SLC17A5: variants seen among roughly 807,000 people sequenced by gnomAD.
The protein encoded by SLC17A5 is sialin.
A neutral mutation model predicts 59.4 loss-of-function variants in SLC17A5; 47 were observed. The ratio of observed to expected loss-of-function variants is 0.79; its 90% CI spans 0.63 to 1.01. SLC17A5 has a LOEUF of 1.01. Among genes scored for constraint, SLC17A5 ranks in the 50% least tolerant of loss-of-function variants. The pLI, the probability that SLC17A5 is intolerant of heterozygous loss-of-function variation, is 0.00. For missense variants in SLC17A5, 522 were observed against 595.5 expected (o/e 0.88, Z 1.28); for synonymous variants, 202 against 210.7 (o/e 0.96, Z 0.36).
rs147885477 is a variant in SLC17A5 at position 73,595,237 on chromosome 6, C to T, written c.1351-23G>A. The T allele has an allele frequency of 4.2e-3, 6,719 of 1,613,246 alleles. 25 individuals carry two copies. The highest frequency in any genetic ancestry group is 4.7e-3 in the Non-Finnish European group (5,486 of 1,179,584). On this transcript the variant is annotated intron_variant, in intron 10 of 10. Coordinates refer to ENST00000355773, the MANE Select transcript of SLC17A5 (RefSeq NM_012434.5). ...GTTCTATAAAGGAAGACAAAAAATG[C>T]AAGTGAAATAAAATTTTGTGTGTAG...
At chr6:73,617,625 C>T (rs1213461123) in intron 7 of SLC17A5, among the ~76,000 whole-genome samples, 4 of 152,188 alleles carry the variant, frequency 2.6e-5, no homozygotes, top group Non-Finnish European at 5.9e-5. Context: ...AGGCAGATCA[C>T]CTGAGGTCAG....
intron 1 of SLC17A5, among the ~76,000 whole-genome samples, chr6:73,645,762 T>C (rs975855288): frequency 1.3e-4 from 16 of 125,756 alleles, no homozygotes; most frequent in African/African-American, 5.1e-4. Flanking sequence ...CACTCCAGCC[T>C]GGGCGACAGA....
At chr6:73,606,082 GC>G (rs1200183727) in intron 9 of SLC17A5, among the ~76,000 whole-genome samples, 1 of 152,000 alleles carries the variant, frequency 6.6e-6, no homozygotes, top group Admixed American at 6.6e-5. Flanking sequence ...TCACTCTGCA[GC>G]CCAGGCTGGA....
At chr6:73,630,079 G>A (rs1457011891) in intron 6 of SLC17A5, among the ~76,000 whole-genome samples, 3 of 151,026 alleles carry the variant, frequency 2.0e-5, no homozygotes, top group South Asian at 2.1e-4. Flanking sequence ...TGTAACCTCC[G>A]CCTCCCAGGT....
chr6:73,595,363 G>C (rs1766747513), intron 10 of SLC17A5, 149 bp from the exon 11 acceptor site: 1 of 801,122 alleles, frequency 1.2e-6, no homozygotes, highest in East Asian at 2.7e-5. Flanking sequence ...CCAGCAGTAG[G>C]ATAGTGGTAT....
In SLC17A5 at chr6:73,620,766, G is replaced by A. The variant is rs1329341314; in HGVS notation, c.978+1038C>T. Among the ~76,000 whole-genome samples the A allele has an allele frequency of 4.0e-5, 6 of 151,856 alleles. No individual in the cohort carries two copies. The South Asian group carries it at 1.0e-3, about 26-fold the overall frequency. On this transcript the variant is annotated intron_variant, in intron 7 of 10. Coordinates refer to ENST00000355773, the MANE Select transcript of SLC17A5 (RefSeq NM_012434.5). ...GGACAGAGTCTTGTTCTGCTGCCCA[G>A]GCTGGAGTGCAGGGGCATGACCTCA...
In SLC17A5 at chr6:73,600,535, G is replaced by T. The variant is rs138848217; in HGVS notation, c.1260-94C>A. 414 of 959,640 alleles carry T rather than the reference G, an allele frequency of 4.3e-4. 2 individuals are homozygous for T. In the African/African-American group the frequency reaches 6.0e-3, roughly 14 times the overall value. 59.4% of individuals were successfully genotyped at this position (959,640 alleles called of 1,614,324 possible). A position where few individuals can be genotyped will look rare whatever the true frequency, so the allele number is the denominator to read the frequency against. ...TTTTTTTTTTTTTTTTTGAGACAGAGTCTCACTCTGTGGCCCAGGCTTGAG... is the reference window on the plus strand; with the variant it reads ...TTTTTTTTTTTTTTTTTGAGACAGATTCTCACTCTGTGGCCCAGGCTTGAG... On this transcript the variant is annotated intron_variant, in intron 9 of 10. Coordinates refer to ENST00000355773, the MANE Select transcript of SLC17A5 (RefSeq NM_012434.5).
At position 73,631,111 on chromosome 6, in the gene SLC17A5, T is replaced by C. The variant is rs1487054220; in HGVS notation, c.819+4271A>G. Among the ~76,000 whole-genome samples, 8 of 150,396 alleles carry C rather than the reference T, an allele frequency of 5.3e-5. No individual in the cohort carries two copies. In the East Asian group the frequency reaches 1.6e-3, roughly 29 times the overall value. ...CTGCGGTAAGCTAAACTGTCCTGGT[T>C]CTAACATCTAGGCCTGGGGTTGTCC... On this transcript the variant is annotated intron_variant, in intron 6 of 10. Transcript: ENST00000355773.
At chr6:73,630,054 A>G (rs1453650957) in intron 6 of SLC17A5, among the ~76,000 whole-genome samples, 4 of 150,134 alleles carry the variant, frequency 2.7e-5, no homozygotes, top group Non-Finnish European at 5.9e-5. Flanking sequence ...GTGCAGTGGT[A>G]TGATCTTGGC....
At chr6:73,653,148 T>C in intron 1 of SLC17A5, 1 of 985,460 alleles carries the variant, frequency 1.0e-6, no homozygotes, top group Non-Finnish European at 1.2e-6. Context: ...TCGATGTTTT[T>C]AGTCTCTTAC....
chr6:73,615,877 ATTC>A (rs1767831406), intron 7 of SLC17A5, among the ~76,000 whole-genome samples: 1 of 119,658 alleles, frequency 8.4e-6, no homozygotes, highest in Non-Finnish European at 1.8e-5. Flanking sequence ...TTAATGAATC[ATTC>A]TTTTTTTTTT....
chr6:73,626,377 G>T (rs1396432095), intron 6 of SLC17A5, among the ~76,000 whole-genome samples: 1 of 152,198 alleles, frequency 6.6e-6, no homozygotes, highest in African/African-American at 2.4e-5. Flanking sequence ...TTCCAGCTTA[G>T]TGTTCATTTG....
chr6:73,641,669 A>G (rs1427975116), intron 3 of SLC17A5, 22 bp downstream of exon 3: 1 of 1,535,560 alleles, frequency 6.5e-7, no homozygotes, highest in Admixed American at 1.8e-5. Flanking sequence ...AAGAAGTAAA[A>G]CAAGAGAGAA....
Position 73,608,052 on chromosome 6 carries a change from C to T in SLC17A5, c.1259+2348G>A, listed in dbSNP as rs1448320286. On this transcript the variant is annotated intron_variant, in intron 9 of 10. Transcript: ENST00000355773. ...TCAGCCTCCCAAAGTGTTGGGATTA[C>T]AGGCGTGAACTACCGTGCCCGGCTC... Among the ~76,000 whole-genome samples, 5 of 152,284 alleles carry T rather than the reference C, an allele frequency of 3.3e-5. No homozygotes were observed. The East Asian group carries it at 9.6e-4, about 29-fold the overall frequency.
intron 6 of SLC17A5, among the ~76,000 whole-genome samples, chr6:73,627,534 A>G (rs1328194629): frequency 6.6e-6 from 1 of 152,114 alleles, no homozygotes; most frequent in Non-Finnish European, 1.5e-5. Context: ...TATTGTTTCT[A>G]ACACACTACT....
intron 10 of SLC17A5, among the ~76,000 whole-genome samples, chr6:73,598,940 C>A (rs939774522): frequency 6.6e-6 from 1 of 151,956 alleles, no homozygotes; most frequent in African/African-American, 2.4e-5. Flanking sequence ...GCTGAGATTG[C>A]GCCATTGTAC....
At chr6:73,636,756 G>A in intron 4 of SLC17A5, 49 bp from the exon 5 acceptor site, 1 of 1,338,406 alleles carries the variant, frequency 7.5e-7, no homozygotes, top group African/African-American at 1.4e-5. Flanking sequence ...AGAGAAACAA[G>A]GATAGGACAG....
intron 7 of SLC17A5, among the ~76,000 whole-genome samples, chr6:73,617,955 C>T (rs1364025765): frequency 6.6e-6 from 1 of 151,724 alleles, no homozygotes; most frequent in Non-Finnish European, 1.5e-5. Context: ...TTTTTGCAGG[C>T]GCATTGGCTC....
At chr6:73,653,212 C>A in intron 1 of SLC17A5, 1 of 985,420 alleles carries the variant, frequency 1.0e-6, no homozygotes, top group African/African-American at 1.7e-5. Context: ...TCTGCATACT[C>A]ACAAATGTTA....
Sources: allele counts gnomAD v4.1 joint callset (sites outside exome capture counted in the v4.1 genomes callset), GRCh38; gene constraint gnomAD v4.1.1; transcripts MANE v1.5; gene names NCBI Gene and HGNC (gene_info 2026-07-23, HGNC 2026-07-21).